CDC14A: variants seen among roughly 807,000 people sequenced by gnomAD.
The protein encoded by CDC14A is cell division cycle 14A.
In CDC14A, 53 loss-of-function variants were observed where a neutral mutation model predicts 74.4. The ratio of observed to expected loss-of-function variants is 0.71; its 90% CI spans 0.57 to 0.89. The LOEUF (loss-of-function observed/expected upper bound fraction) is 0.89. Ranked by LOEUF, CDC14A falls within the 40% of genes least tolerant of loss-of-function variation. The pLI is 0.00. For missense variants in CDC14A, 646 were observed against 713.7 expected, an observed-to-expected ratio of 0.91 and a Z score of 1.08; for synonymous variants, 247 against 258.4, an observed-to-expected ratio of 0.96 and a Z score of 0.43.
At position 100,468,375 on chromosome 1, in the gene CDC14A, AT is replaced by A. The variant is rs147976512; in HGVS notation, c.977+285del. On this transcript the variant is annotated intron_variant, in intron 10 of 15. Coordinates refer to ENST00000336454, the MANE Select transcript of CDC14A (RefSeq NM_003672.4). ...CTATGTGTGATCTGGCTACAGTGCAATTTTCTTATGACATCCCACTTGGCAC... is the reference window on the plus strand; with the variant it reads ...CTATGTGTGATCTGGCTACAGTGCAATTTCTTATGACATCCCACTTGGCAC... Among the ~76,000 whole-genome samples, 562 of 151,962 alleles carry A rather than the reference AT, an allele frequency of 3.7e-3. 5 individuals are homozygous for A. The highest frequency in any genetic ancestry group is 0.013 in the African/African-American group (540 of 41,428).
intron 7 of CDC14A, among the ~76,000 whole-genome samples, chr1:100,443,709 GA>G (rs1665213046): frequency 6.6e-6 from 1 of 152,036 alleles, no homozygotes; most frequent in African/African-American, 2.4e-5. Flanking sequence ...AAAGTTCACT[GA>G]ATTTTTTTTT....
chr1:100,472,485 C>A (rs1668488144), intron 10 of CDC14A, among the ~76,000 whole-genome samples: 1 of 151,928 alleles, frequency 6.6e-6, no homozygotes, highest in South Asian at 2.1e-4. Context: ...GATACTAGTC[C>A]TTTGTCTGGT....
chr1:100,514,053 C>T (rs879485045), intron 15 of CDC14A, among the ~76,000 whole-genome samples: 1 of 152,128 alleles, frequency 6.6e-6, no homozygotes, highest in Non-Finnish European at 1.5e-5. Context: ...CACTATAACT[C>T]TGTTGAGCTT....
chr1:100,461,026 T>C (rs1473106403), intron 8 of CDC14A, among the ~76,000 whole-genome samples: 2 of 152,208 alleles, frequency 1.3e-5, no homozygotes, highest in African/African-American at 4.8e-5. Flanking sequence ...AAGCATTTAA[T>C]ACAAGGAGTT....
At chr1:100,455,637 G>T in intron 8 of CDC14A, 145 bp downstream of exon 8, 1 of 602,604 alleles carries the variant, frequency 1.7e-6, no homozygotes, top group Non-Finnish European at 2.9e-6. Flanking sequence ...AGTAGTAATA[G>T]TGTGTTAAAT....
chr1:100,514,979 T>G (rs755214881), intron 15 of CDC14A, among the ~76,000 whole-genome samples: 6 of 152,222 alleles, frequency 3.9e-5, no homozygotes, highest in Non-Finnish European at 7.3e-5. Flanking sequence ...TTCTGGGATA[T>G]TAGTAATTTT....
intron 2 of CDC14A, among the ~76,000 whole-genome samples, chr1:100,356,816 C>T (rs185007834): frequency 2.8e-5 from 4 of 143,430 alleles, no homozygotes; most frequent in Admixed American, 7.3e-5. Context: ...GCTGAGATTG[C>T]GCCACTGCAC....
At chr1:100,408,010 C>T (rs1315367779) in intron 4 of CDC14A, among the ~76,000 whole-genome samples, 1 of 152,046 alleles carries the variant, frequency 6.6e-6, no homozygotes, top group Non-Finnish European at 1.5e-5. Flanking sequence ...AATATTTAGT[C>T]ACCCAGGTAC....
intron 11 of CDC14A, among the ~76,000 whole-genome samples, chr1:100,492,475 C>T (rs187722332): frequency 3.1e-4 from 47 of 152,264 alleles, no homozygotes; most frequent in Admixed American, 1.5e-3. Flanking sequence ...TGTATTGCCT[C>T]CTGGTTGTTG....
At chr1:100,487,149 TA>T (rs981414362) in intron 11 of CDC14A, among the ~76,000 whole-genome samples, 7 of 152,034 alleles carry the variant, frequency 4.6e-5, no homozygotes, top group East Asian at 1.9e-4. Flanking sequence ...GATTGACTTT[TA>T]AAAAAAAGAT....
chr1:100,396,587 A>T (rs1037006558), intron 4 of CDC14A, among the ~76,000 whole-genome samples: 1 of 152,248 alleles, frequency 6.6e-6, no homozygotes, highest in African/African-American at 2.4e-5. Context: ...ATCAAAGTAA[A>T]GAGCATAGAC....
chr1:100,442,904 TG>T (rs752530799), intron 6 of CDC14A, 29 bp from the exon 7 acceptor site: 2 of 1,459,346 alleles, frequency 1.4e-6, no homozygotes, highest in Non-Finnish European at 1.9e-6. Context: ...CAATTTAGCA[TG>T]GAAAAACTAA....
intron 7 of CDC14A, among the ~76,000 whole-genome samples, chr1:100,447,375 T>C (rs1171734284): frequency 1.3e-5 from 2 of 152,210 alleles, no homozygotes; most frequent in Non-Finnish European, 2.9e-5. Flanking sequence ...TAGCAAGCTG[T>C]TGTGGAACTG....
At chr1:100,432,477 T>C (rs1663813935) in intron 5 of CDC14A, among the ~76,000 whole-genome samples, 1 of 152,202 alleles carries the variant, frequency 6.6e-6, no homozygotes, top group South Asian at 2.1e-4. Flanking sequence ...ACTGTACATT[T>C]AAAATACATA....
At chr1:100,513,371 A>G (rs1649942399) in intron 15 of CDC14A, among the ~76,000 whole-genome samples, 1 of 152,190 alleles carries the variant, frequency 6.6e-6, no homozygotes, top group African/African-American at 2.4e-5. Flanking sequence ...CTCTGTGGTT[A>G]GAACTTAAAC....
At chr1:100,478,803 G>A (rs1164909560) in intron 10 of CDC14A, among the ~76,000 whole-genome samples, 2 of 152,182 alleles carry the variant, frequency 1.3e-5, no homozygotes, top group Non-Finnish European at 1.5e-5. Context: ...CTTCTACTGA[G>A]TTGGATATTT....
chr1:100,385,933 G>C (rs962911971), intron 3 of CDC14A, among the ~76,000 whole-genome samples: 10 of 152,102 alleles, frequency 6.6e-5, no homozygotes. Context: ...TTGAGAGGTC[G>C]GGGTGAGCAG....
At chr1:100,459,128 G>C (rs481443) in intron 8 of CDC14A, among the ~76,000 whole-genome samples, 39,037 of 104,730 alleles carry the variant, frequency 0.37, 6,983 homozygotes, top group African/African-American at 0.58. Flanking sequence ...CACACACACA[G>C]AGAGAGAGAG....
rs1170596020 is a variant in CDC14A, at chr1:100,519,303, G to A, written c.*1023G>A. On this transcript the variant is annotated 3_prime_UTR_variant, in exon 16 of 16. Coordinates refer to ENST00000336454, the MANE Select transcript of CDC14A (RefSeq NM_003672.4). ...TTAAAGGAGATATTTTTAAAACAGG[G>A]TACAACCCCCTGCTGCACACGCTAG... The A allele has an allele frequency of 1.3e-5, 2 of 151,986 alleles. No individual in the cohort carries two copies. The highest frequency in any genetic ancestry group is 4.8e-5 in the African/African-American group (2 of 41,376). The allele number at this position is 151,986 out of a possible 1,614,324, so 9.4% of individuals were successfully genotyped here.
Sources: allele counts gnomAD v4.1 joint callset (sites outside exome capture counted in the v4.1 genomes callset), GRCh38; gene constraint gnomAD v4.1.1; transcripts MANE v1.5; gene names NCBI Gene and HGNC (gene_info 2026-07-23, HGNC 2026-07-21).